ZFYVE1: variants seen among roughly 807,000 people sequenced by gnomAD.
ZFYVE1 encodes the protein zinc finger FYVE domain-containing protein 1.
Under a neutral mutation model 74.4 loss-of-function variants are expected in ZFYVE1, and 30 were observed. The observed-to-expected ratio is 0.40, with a 90% CI of 0.30 to 0.55. The LOEUF (loss-of-function observed/expected upper bound fraction) is 0.55, where lower values mean the gene tolerates loss of function less well. Among genes scored for constraint, ZFYVE1 ranks in the 20% least tolerant of loss-of-function variants. The pLI, the probability that ZFYVE1 is intolerant of heterozygous loss-of-function variation, is 0.42. For missense variants in ZFYVE1, 703 were observed against 1,011.6 expected, an observed-to-expected ratio of 0.69 and a Z score of 4.14; for synonymous variants, 335 against 385.1, an observed-to-expected ratio of 0.87 and a Z score of 1.52.
At chr14:72,993,002 C>A (rs1893656192) in intron 4 of ZFYVE1, 141 bp downstream of exon 4, 2 of 762,402 alleles carry the variant, frequency 2.6e-6, no homozygotes, top group Non-Finnish European at 2.0e-6. Flanking sequence ...CAGGTGCGGA[C>A]TCCATTCATG....
At chr14:73,019,643 A>G (rs150544015) in intron 2 of ZFYVE1, among the ~76,000 whole-genome samples, 28 of 152,292 alleles carry the variant, frequency 1.8e-4, no homozygotes, top group African/African-American at 4.8e-4. Context: ...TTTGGCCACA[A>G]TGAAGTTTAA....
At chr14:72,987,533 G>C (rs933930201) in intron 4 of ZFYVE1, among the ~76,000 whole-genome samples, 1 of 151,962 alleles carries the variant, frequency 6.6e-6, no homozygotes, top group African/African-American at 2.4e-5. Context: ...GTGCCTAGGG[G>C]ACACAGAGCC....
rs1892974294 is a variant in ZFYVE1, at chr14:72,969,555, C to T, written c.*1327G>A. The T allele has an allele frequency of 1.1e-5, 7 of 613,792 alleles. No individual in the cohort carries two copies. The South Asian group carries it at 1.2e-4, about 10-fold the overall frequency. The allele number at this position is 613,792 out of a possible 1,614,324, so 38.0% of individuals were successfully genotyped here. A position where few individuals can be genotyped will look rare whatever the true frequency, so the allele number is the denominator to read the frequency against. On this transcript the variant is annotated 3_prime_UTR_variant, in exon 12 of 12. Transcript: ENST00000556143. Reference sequence around the variant, plus strand: ...GCAGGAGGAGCAGGGCTGAGAGGGACGACACACTCCAGGGCTCATGTCACA... The same window carrying T: ...GCAGGAGGAGCAGGGCTGAGAGGGATGACACACTCCAGGGCTCATGTCACA...
chr14:72,975,449 A>G lies in ZFYVE1; in HGVS notation c.1806+102T>C. 1 of 1,443,706 alleles carries G rather than the reference A, an allele frequency of 6.9e-7. No homozygotes were observed. Among genetic ancestry groups the G allele is most frequent in the South Asian group, 1.4e-5 (1 of 70,778 alleles). The allele number at this position is 1,443,706 out of a possible 1,614,324, so 89.4% of individuals were successfully genotyped here. The stretch of plus-strand genomic sequence containing the variant: ...CACAGAGCTCACTGCACTGGCAGAA[A>G]ATGTTTGCGTCTCCCTCACAGAACA... On this transcript the variant is annotated intron_variant, in intron 9 of 11. Coordinates refer to ENST00000556143, the MANE Select transcript of ZFYVE1 (RefSeq NM_021260.4). The surrounding 1 kb of genome is among the most constrained non-coding windows in gnomAD (Gnocchi z 4.1).
chr14:72,993,159 A>G lies in ZFYVE1; in HGVS notation c.1187T>C (p.Ile396Thr), dbSNP rs780449814. The G allele has an allele frequency of 6.2e-7, 1 of 1,608,016 alleles. No individual in the cohort carries two copies. The highest frequency in any genetic ancestry group is 2.2e-5 in the East Asian group (1 of 44,814). Reference protein sequence around the residue: ...TTRSPRHPGVIFKALKALSDR... With the variant: ...TTRSPRHPGVTFKALKALSDR... ...CCAACTGACCTTCAGGGCTTTGAAG[A>G]TGACTCCCGGGTGCCGGGGAGAACG... The change falls in exon 4 of 12, where the codon ATC becomes ACC. Residue 396 changes from isoleucine (I) to threonine (T), a missense_variant. Ile to Thr is a moderately conservative substitution (Grantham distance 89, BLOSUM62 -1). This residue lies in a region of ZFYVE1 where 492 missense variants were observed against 790.0 expected (regional missense o/e 0.62). Transcript: ENST00000556143.
In ZFYVE1 at chr14:73,012,553, C is replaced by T. The variant is rs568597364; in HGVS notation, c.483+11473G>A. Among the ~76,000 whole-genome samples the T allele has an allele frequency of 1.6e-4, 24 of 152,076 alleles. No individual in the cohort carries two copies. The East Asian group carries it at 4.5e-3, about 28-fold the overall frequency. ...AGGAGAATTGCTTGAACCCAGGAGG[C>T]GGAGGTTGCAGTGAGCTGAGATAGT... On this transcript the variant is annotated intron_variant, in intron 2 of 11. Transcript: ENST00000556143.
chr14:73,021,936 A>G (rs933372101), intron 2 of ZFYVE1, among the ~76,000 whole-genome samples: 5 of 152,190 alleles, frequency 3.3e-5, no homozygotes, highest in African/African-American at 1.2e-4. Flanking sequence ...CCAAAAAAAC[A>G]TTCTTTTTAA....
At chr14:72,976,675 C>G (rs573346110) in intron 8 of ZFYVE1, among the ~76,000 whole-genome samples, 4 of 150,874 alleles carry the variant, frequency 2.7e-5, no homozygotes, top group African/African-American at 7.3e-5. Context: ...CCCAGCTACT[C>G]GGGAGGCTGA....
In ZFYVE1 at chr14:73,026,930, G is replaced by GA; in HGVS notation, c.-440dup. 5.0e-6 allele frequency: 2 copies of GA among 398,424 alleles called. No homozygotes were observed. Among genetic ancestry groups the GA allele is most frequent in the Admixed American group, 4.4e-5 (1 of 22,690 alleles). The allele number at this position is 398,424 out of a possible 1,614,324, so 24.7% of individuals were successfully genotyped here. A position where few individuals can be genotyped will look rare whatever the true frequency, so the allele number is the denominator to read the frequency against. Reference sequence around the variant, plus strand: ...GCCGCGGCCCGGGGATCCCACCACTGAGAAGCTCGGCCGCAGCAAGGCGGC... The same window carrying GA: ...GCCGCGGCCCGGGGATCCCACCACTGAAGAAGCTCGGCCGCAGCAAGGCGGC... On this transcript the variant is annotated 5_prime_UTR_variant, in exon 1 of 12. Coordinates refer to ENST00000556143, the MANE Select transcript of ZFYVE1 (RefSeq NM_021260.4).
chr14:73,010,635 T>C (rs1894069791), intron 2 of ZFYVE1, among the ~76,000 whole-genome samples: 2 of 150,812 alleles, frequency 1.3e-5, no homozygotes, highest in African/African-American at 2.4e-5. Flanking sequence ...CCAGGCATGG[T>C]GGCACGCGCT....
At chr14:73,016,885 A>C (rs1337243053) in intron 2 of ZFYVE1, among the ~76,000 whole-genome samples, 5 of 150,336 alleles carry the variant, frequency 3.3e-5, no homozygotes, top group African/African-American at 1.3e-4. Context: ...CCAAAGAAGA[A>C]AAAAAAAGAT....
chr14:72,995,058 TTTTA>T (rs530658295), intron 3 of ZFYVE1, among the ~76,000 whole-genome samples: 80 of 152,248 alleles, frequency 5.3e-4, no homozygotes, highest in Middle Eastern at 3.4e-3. Flanking sequence ...TTAATTTCCT[TTTTA>T]TTTATTTATT....
intron 4 of ZFYVE1, among the ~76,000 whole-genome samples, chr14:72,983,489 AT>A (rs1454030512): frequency 6.6e-6 from 1 of 151,698 alleles, no homozygotes; most frequent in East Asian, 1.9e-4. Flanking sequence ...GCTGAGAATG[AT>A]GGTTTCCAGC....
At chr14:72,990,904 T>C (rs1893595295) in intron 4 of ZFYVE1, among the ~76,000 whole-genome samples, 1 of 151,882 alleles carries the variant, frequency 6.6e-6, no homozygotes, top group Non-Finnish European at 1.5e-5. Context: ...TTCACCATGT[T>C]GGCCAGGCTG....
rs896016750 is a variant in ZFYVE1 at position 72,987,026 on chromosome 14, G to A, written c.1204-5131C>T. On this transcript the variant is annotated intron_variant, in intron 4 of 11. Transcript: ENST00000556143. ...GAGGCAAGTCTGGAAAAGGTTGCCT[G>A]GAGACCAGATGATCTTGAACTTTAG... 6.4e-6 allele frequency: 6 copies of A among 942,836 alleles called. No homozygotes were observed. The African/African-American group carries it at 1.1e-4, about 17-fold the overall frequency. The allele number at this position is 942,836 out of a possible 1,614,324, so 58.4% of individuals were successfully genotyped here.
At position 72,973,107 on chromosome 14, in the gene ZFYVE1, C is replaced by T. The variant is rs183374551; in HGVS notation, c.2101+973G>A. Reference sequence around the variant, plus strand: ...TTTCCATCTTTGACACTCCTGCCCCCTCCCTTGAATCTAGACAAACCTGTG... The same window carrying T: ...TTTCCATCTTTGACACTCCTGCCCCTTCCCTTGAATCTAGACAAACCTGTG... On this transcript the variant is annotated intron_variant, in intron 11 of 11. Coordinates refer to ENST00000556143, the MANE Select transcript of ZFYVE1 (RefSeq NM_021260.4). 9.2e-5 allele frequency among the ~76,000 whole-genome samples: 14 copies of T among 152,332 alleles called. No individual in the cohort carries two copies. The East Asian group carries it at 2.5e-3, about 27-fold the overall frequency.
At position 72,972,211 on chromosome 14, in the gene ZFYVE1, C is replaced by CA. The variant is rs368244323; in HGVS notation, c.2102-1098dup. Among the ~76,000 whole-genome samples, 825 of 146,252 alleles carry CA rather than the reference C, an allele frequency of 5.6e-3. 5 individuals carry two copies. Among genetic ancestry groups the CA allele is most frequent in the African/African-American group, 0.02 (789 of 39,920 alleles). Reference sequence around the variant, plus strand: ...CCTGGACAATAGCGAGAGTCAGTCTCAAAAAAAAAAGAAAGGTTAGCTAAC... The same window carrying CA: ...CCTGGACAATAGCGAGAGTCAGTCTCAAAAAAAAAAAGAAAGGTTAGCTAAC... On this transcript the variant is annotated intron_variant, in intron 11 of 11. Transcript: ENST00000556143.
intron 4 of ZFYVE1, among the ~76,000 whole-genome samples, chr14:72,985,832 T>C (rs988807984): frequency 6.6e-6 from 1 of 152,172 alleles, no homozygotes; most frequent in Non-Finnish European, 1.5e-5. Flanking sequence ...TTGCCCAGGC[T>C]GGTCTCCTGG....
intron 2 of ZFYVE1, among the ~76,000 whole-genome samples, chr14:73,016,214 T>G (rs1332631897): frequency 6.6e-6 from 1 of 152,156 alleles, no homozygotes; most frequent in Non-Finnish European, 1.5e-5. Context: ...TATTATGACC[T>G]CTAAATAATG....
Sources: gnomAD v4.1 joint callset for allele counts (sites outside exome capture counted in the v4.1 genomes callset) on GRCh38, gnomAD v4.1.1 for gene constraint, gnomAD v4.1.1 regional missense constraint, Gnocchi (gnomAD v3.1) non-coding constraint, MANE v1.5 for transcripts, NCBI Gene and HGNC (gene_info 2026-07-23, HGNC 2026-07-21) for gene names.